ARHGAP6: variants seen among roughly 807,000 people sequenced by gnomAD.
ARHGAP6 encodes the protein rho GTPase-activating protein 6.
A neutral mutation model predicts 55.7 loss-of-function variants in ARHGAP6; 16 were observed. The ratio of observed to expected loss-of-function variants is 0.29; its 90% CI spans 0.19 to 0.44. ARHGAP6 has a LOEUF of 0.44. Among genes scored for constraint, ARHGAP6 ranks in the 20% least tolerant of loss-of-function variants. The pLI is 1.00. For synonymous variants in ARHGAP6, 382 were observed against 360.9 expected (o/e 1.06, Z -0.66); for missense variants, 698 against 808.9 (o/e 0.86, Z 1.66).
intron 1 of ARHGAP6, among the ~76,000 whole-genome samples, chrX:11,582,137 T>G (rs2051674097): frequency 9.0e-6 from 1 of 111,126 alleles, no homozygotes; most frequent in African/African-American, 3.3e-5. Flanking sequence ...TATTATCACA[T>G]TTTTACAAAT....
intron 5 of ARHGAP6, among the ~76,000 whole-genome samples, chrX:11,183,193 A>G (rs1028652302): frequency 5.4e-5 from 6 of 111,360 alleles, no homozygotes; most frequent in African/African-American, 1.6e-4. Flanking sequence ...TACTCATGTA[A>G]CCAAATACCA....
intron 1 of ARHGAP6, among the ~76,000 whole-genome samples, chrX:11,303,704 G>A (rs2048199362): frequency 9.0e-6 from 1 of 111,463 alleles, no homozygotes; most frequent in Non-Finnish European, 1.9e-5. Flanking sequence ...GCAGGCTCTG[G>A]GGGTGTCAGT....
At chrX:11,485,821 A>G (rs5933891) in intron 1 of ARHGAP6, among the ~76,000 whole-genome samples, 34,010 of 110,345 alleles carry the variant, frequency 0.31, 3,878 homozygotes, top group Middle Eastern at 0.45. Flanking sequence ...CTGGTGAGAG[A>G]AGGAAAACAT....
intron 1 of ARHGAP6, among the ~76,000 whole-genome samples, chrX:11,550,182 A>G (rs1353736363): frequency 8.9e-6 from 1 of 111,897 alleles, no homozygotes; most frequent in Non-Finnish European, 1.9e-5. Flanking sequence ...TTGATTTCAA[A>G]CATTTGCTAA....
rs763841779 is a variant in ARHGAP6 at position 11,179,400 on chromosome X, C to G, written c.1382G>C (p.Ser461Thr). 2 of 1,210,237 alleles carry G rather than the reference C, an allele frequency of 1.7e-6. No homozygotes were observed. The highest frequency in any genetic ancestry group is 5.9e-5 in the East Asian group (2 of 33,788). Residue 461 changes from serine to threonine, a missense_variant, in exon 7 of 13, where the codon AGT (serine) becomes ACT (threonine). Transcript: ENST00000337414. ...GIDVSLEEEH[S>T]VHDVAALLKE... ...CAGCAAGGCTGCCACATCATGAACACTGTGCTCCTCCTCCAGAGAGACATC... is the reference window on the plus strand; with the variant it reads ...CAGCAAGGCTGCCACATCATGAACAGTGTGCTCCTCCTCCAGAGAGACATC...
At chrX:11,436,613 T>C (rs1424841676) in intron 1 of ARHGAP6, among the ~76,000 whole-genome samples, 2 of 112,077 alleles carry the variant, frequency 1.8e-5, no homozygotes, top group Admixed American at 1.9e-4. Context: ...TTATTCATAA[T>C]GGCCAAAAGG....
At chrX:11,234,239 T>C (rs1207847506) in intron 2 of ARHGAP6, among the ~76,000 whole-genome samples, 1 of 112,462 alleles carries the variant, frequency 8.9e-6, no homozygotes, top group Non-Finnish European at 1.9e-5. Context: ...TGTTTCACGA[T>C]AGCTGTGTCC....
intron 2 of ARHGAP6, among the ~76,000 whole-genome samples, chrX:11,217,255 G>A (rs1276536825): frequency 3.6e-5 from 4 of 111,526 alleles, no homozygotes; most frequent in African/African-American, 9.8e-5. Context: ...TGGGTCAAAC[G>A]GTATTCTGAT....
At chrX:11,350,653 C>T (rs2048850880) in intron 1 of ARHGAP6, among the ~76,000 whole-genome samples, 1 of 111,956 alleles carries the variant, frequency 8.9e-6, no homozygotes, top group Non-Finnish European at 1.9e-5. Context: ...CTGTCCCAAA[C>T]AGAATGAATT....
chrX:11,444,014 T>C (rs2050067880), intron 1 of ARHGAP6, among the ~76,000 whole-genome samples: 1 of 112,887 alleles, frequency 8.9e-6, no homozygotes, highest in Non-Finnish European at 1.9e-5. Context: ...ATGTGCTTAT[T>C]GGTCTTTGGA....
intron 1 of ARHGAP6, among the ~76,000 whole-genome samples, chrX:11,516,268 T>C (rs1018474694): frequency 8.9e-6 from 1 of 112,436 alleles, no homozygotes; most frequent in Admixed American, 9.5e-5. Flanking sequence ...ATATAAAATT[T>C]GCCATTTTAA....
intron 1 of ARHGAP6, among the ~76,000 whole-genome samples, chrX:11,507,490 T>TA (rs1202999620): frequency 8.9e-6 from 1 of 112,047 alleles, no homozygotes. Flanking sequence ...TGTATCTTCT[T>TA]AAAAAAACAG....
intron 1 of ARHGAP6, chrX:11,265,863 A>G: frequency 1.1e-6 from 1 of 949,830 alleles, no homozygotes; most frequent in East Asian, 8.7e-5. Flanking sequence ...TGTGACTCCC[A>G]CGATACCTTT....
At chrX:11,630,947 T>C (rs2052353879) in intron 1 of ARHGAP6, among the ~76,000 whole-genome samples, 1 of 110,688 alleles carries the variant, frequency 9.0e-6, no homozygotes, top group Middle Eastern at 4.7e-3. Flanking sequence ...ATCGAGAGGA[T>C]GGGATGGAGT....
At chrX:11,441,620 C>T (rs1304030301) in intron 1 of ARHGAP6, among the ~76,000 whole-genome samples, 1 of 111,733 alleles carries the variant, frequency 8.9e-6, no homozygotes, top group Non-Finnish European at 1.9e-5. Flanking sequence ...TAAGGAGCCC[C>T]TTGGGAAGCA....
intron 1 of ARHGAP6, among the ~76,000 whole-genome samples, chrX:11,493,878 G>A (rs184942215): frequency 3.7e-4 from 35 of 95,366 alleles, no homozygotes; most frequent in Admixed American, 2.1e-3. Flanking sequence ...CTGTCACCCA[G>A]GCTGGAGTAT....
At chrX:11,375,118 C>T (rs1355107176) in intron 1 of ARHGAP6, among the ~76,000 whole-genome samples, 3 of 112,059 alleles carry the variant, frequency 2.7e-5, no homozygotes, top group Non-Finnish European at 5.6e-5. Flanking sequence ...AATGAAACCT[C>T]CAGAAAGCAG....
chrX:11,145,210 C>G (rs1301152394), intron 10 of ARHGAP6: 1 of 112,395 alleles, frequency 8.9e-6, no homozygotes, highest in Non-Finnish European at 1.9e-5. Context: ...AGTCTTTGCT[C>G]TCTTTTGGCT....
At chrX:11,491,619 G>C (rs1267933246) in intron 1 of ARHGAP6, among the ~76,000 whole-genome samples, 2 of 111,828 alleles carry the variant, frequency 1.8e-5, no homozygotes, top group Non-Finnish European at 3.8e-5. Context: ...ATCATTGTTG[G>C]ACATTTGGGT....
Sources: gnomAD v4.1 joint callset for allele counts (sites outside exome capture counted in the v4.1 genomes callset) on GRCh38, gnomAD v4.1.1 for gene constraint, MANE v1.5 for transcripts, NCBI Gene and HGNC (gene_info 2026-07-23, HGNC 2026-07-21) for gene names.